Variants in CFAP46 observed in about 807,000 individuals in gnomAD.
CFAP46 encodes cilia and flagella associated protein 46.
A neutral mutation model predicts 325.7 loss-of-function variants in CFAP46; 245 were observed. The observed-to-expected ratio is 0.75, with a 90% confidence interval of 0.68 to 0.84. The LOEUF (loss-of-function observed/expected upper bound fraction) is 0.84, where lower values mean the gene tolerates loss of function less well. CFAP46 is among the 40% of genes least tolerant of loss of function. CFAP46 has a pLI of 0.00. For synonymous variants in CFAP46, 1,523 were observed against 1,495.9 expected (o/e 1.02, Z -0.42); for missense variants, 3,346 against 3,543.0 (o/e 0.94, Z 1.41).
intron 35 of CFAP46, among the ~76,000 whole-genome samples, chr10:132,865,803 G>A (rs1055252959): frequency 8.5e-5 from 13 of 152,252 alleles, no homozygotes; most frequent in Non-Finnish European, 1.9e-4. Flanking sequence ...AGCAGGTACT[G>A]GAAATAGAAA....
rs1308091850 is a variant in CFAP46 at position 132,919,155 on chromosome 10, C to T, written c.1858+160G>A. ...GATGTGGCCGCCGCCCCATGATTGG[C>T]GGTCCTGATAATTAGTGGGAACTGC... On this transcript the variant is annotated intron_variant, in intron 15 of 57. Coordinates refer to ENST00000368586, the MANE Select transcript of CFAP46 (RefSeq NM_001200049.3). The surrounding 1 kb of genome is among the most constrained non-coding windows in gnomAD (Gnocchi z 9.7). Among the ~76,000 whole-genome samples the T allele has an allele frequency of 3.3e-5, 5 of 152,208 alleles. No individual in the cohort carries two copies. Among genetic ancestry groups the T allele is most frequent in the Admixed American group, 6.5e-5 (1 of 15,286 alleles).
intron 50 of CFAP46, among the ~76,000 whole-genome samples, chr10:132,816,388 G>C (rs1287058569): frequency 6.8e-6 from 1 of 146,334 alleles, no homozygotes; most frequent in Non-Finnish European, 1.5e-5. Context: ...CTGGAGTGCA[G>C]TGGCGCGATC....
At chr10:132,868,788 C>T (rs1160727493) in intron 33 of CFAP46, among the ~76,000 whole-genome samples, 1 of 152,222 alleles carries the variant, frequency 6.6e-6, no homozygotes, top group East Asian at 1.9e-4. Flanking sequence ...GAACCGTATA[C>T]AATCATAGCA....
chr10:132,877,881 C>T lies in CFAP46; in HGVS notation c.4212G>A (p.Gln1404=). 1.3e-6 allele frequency: 2 copies of T among 1,549,440 alleles called. No homozygotes were observed. The highest frequency in any genetic ancestry group is 1.7e-6 in the Non-Finnish European group (2 of 1,147,000). The change falls in exon 30 of 58, where the codon CAG becomes CAA. Residue 1404 remains glutamine, a splice_region_variant and synonymous_variant. Transcript: ENST00000368586. This position sits in a 1 kb window ranked among gnomAD's most constrained non-coding sequence, Gnocchi z 5.7. ...GKEEKVKEPK[Q]SQSPAPIKQL... is the part of the protein sequence containing the mutation. ...TGCACCGTGGCCACTTGGGCATCAC[C>T]TGCTTGGGCTCCTTGACTTTCTCCT...
rs565536761 is a variant in CFAP46 at position 132,871,281 on chromosome 10, G to A, written c.4511+1395C>T. ...ATACAAGGAGACGAATGCCTTCTCC[G>A]TGCCTGCTAACACCACTGCTAACAC... On this transcript the variant is annotated intron_variant, in intron 32 of 57. Transcript: ENST00000368586. Among the ~76,000 whole-genome samples, 288 of 152,328 alleles carry A rather than the reference G, an allele frequency of 1.9e-3. 1 individual carries two copies. Among genetic ancestry groups the A allele is most frequent in the African/African-American group, 6.5e-3 (270 of 41,572 alleles).
intron 37 of CFAP46, among the ~76,000 whole-genome samples, chr10:132,859,889 C>T (rs979537749): frequency 3.9e-5 from 6 of 152,178 alleles, no homozygotes; most frequent in African/African-American, 1.2e-4. Flanking sequence ...ACCCCATCTC[C>T]ACTAAAAATA....
At chr10:132,831,881 A>G (rs1025927108) in intron 50 of CFAP46, among the ~76,000 whole-genome samples, 2 of 151,996 alleles carry the variant, frequency 1.3e-5, no homozygotes, top group Non-Finnish European at 1.5e-5. Context: ...TATTTGCTAT[A>G]AACTCTGTGG....
chr10:132,860,838 T>A lies in CFAP46; in HGVS notation c.5035A>T (p.Thr1679Ser). 1 of 1,550,892 alleles carries A rather than the reference T, an allele frequency of 6.4e-7. No homozygotes were observed. Among genetic ancestry groups the A allele is most frequent in the African/African-American group, 1.4e-5 (1 of 73,068 alleles). The change falls in exon 36 of 58, where the codon ACT becomes TCT. Residue 1679 changes from threonine (T) to serine (S), a missense_variant. Thr to Ser is a moderately conservative substitution (Grantham distance 58). Transcript: ENST00000368586. ...GGSEEFWYNS[T>S]LTLAEALLSM... ...AAGAGCGCCTCTGCCAGGGTCAGAG[T>A]GGAATTGTACCAGAACTCCTCACTT... is the stretch of plus-strand genomic sequence containing the variant.
Position 132,923,103 on chromosome 10 carries a change from G to A in CFAP46, c.1257-395C>T, listed in dbSNP as rs112093874. ...GGCTAGGGTCTGGAGAGGAAGGGCC[G>A]TGCGGAGCAGCCCAACCAGCCCGTG... is the stretch of plus-strand genomic sequence containing the variant. On this transcript the variant is annotated intron_variant, in intron 11 of 57. Coordinates refer to ENST00000368586, the MANE Select transcript of CFAP46 (RefSeq NM_001200049.3). Among the ~76,000 whole-genome samples the A allele has an allele frequency of 5.2e-3, 788 of 152,302 alleles. 6 individuals carry two copies. Among genetic ancestry groups the A allele is most frequent in the African/African-American group, 0.016 (684 of 41,562 alleles).
At chr10:132,935,687 C>CG (rs1849988741) in intron 7 of CFAP46, among the ~76,000 whole-genome samples, 1 of 132,764 alleles carries the variant, frequency 7.5e-6, no homozygotes, top group East Asian at 2.3e-4. Flanking sequence ...TCACTCCCCT[C>CG]ACATCCAAAC....
intron 22 of CFAP46, among the ~76,000 whole-genome samples, chr10:132,904,368 G>A (rs775253997): frequency 6.7e-6 from 1 of 148,660 alleles, no homozygotes; most frequent in Non-Finnish European, 1.5e-5. Flanking sequence ...GTGGAAAGGC[G>A]CCAACACTGC....
At chr10:132,915,479 C>G (rs1369819618) in intron 17 of CFAP46, among the ~76,000 whole-genome samples, 1 of 152,266 alleles carries the variant, frequency 6.6e-6, no homozygotes, top group Non-Finnish European at 1.5e-5. Flanking sequence ...AGAGCTCGGC[C>G]GGGTGGCTCC....
At chr10:132,878,175 C>G in intron 29 of CFAP46, 88 bp from the exon 30 acceptor site, 1 of 1,271,020 alleles carries the variant, frequency 7.9e-7, no homozygotes. Context: ...GAGGGACGCT[C>G]AGACCCGCGG....
At position 132,851,254 on chromosome 10, in the gene CFAP46, C is replaced by T. The variant is rs201686022; in HGVS notation, c.5626G>A (p.Gly1876Ser). 6 of 1,613,928 alleles carry T rather than the reference C, an allele frequency of 3.7e-6. No individual in the cohort carries two copies. Among genetic ancestry groups the T allele is most frequent in the East Asian group, 2.2e-5 (1 of 44,894 alleles). The change falls in exon 40 of 58, where the codon GGC (glycine) becomes AGC (serine). Residue 1876 changes from glycine to serine, a missense_variant. Gly to Ser is a moderately conservative substitution (Grantham distance 56). Transcript: ENST00000368586. ...LMRKLARLKL[G>S]LVEMALDMLQ... ...ATGTCCAGAGCCATTTCCACGAGGC[C>T]GAGCTTGAGGCGCGCCAGCTTCCTC...
chr10:132,852,633 A>C (rs1410958414), intron 39 of CFAP46, among the ~76,000 whole-genome samples: 1 of 152,236 alleles, frequency 6.6e-6, no homozygotes, highest in African/African-American at 2.4e-5. Context: ...TTACTTAGAC[A>C]TTCTCAGATC....
intron 29 of CFAP46, among the ~76,000 whole-genome samples, chr10:132,878,551 C>T (rs1436487714): frequency 6.6e-6 from 1 of 152,220 alleles, no homozygotes; most frequent in Non-Finnish European, 1.5e-5. Flanking sequence ...GGGAGACTTG[C>T]CACTCCTTGG....
At position 132,835,214 on chromosome 10, in the gene CFAP46, G is replaced by A. The variant is rs115229257; in HGVS notation, c.6744+90C>T. 1.1e-3 allele frequency: 1,669 copies of A among 1,536,834 alleles called. 12 individuals carry two copies. In the African/African-American group the frequency reaches 0.015, roughly 13 times the overall value. On this transcript the variant is annotated intron_variant, in intron 47 of 57. Transcript: ENST00000368586. ...CTTCAGCAGCCTGGCCTAGCGCCCCGCCCCTCCCCCCACCTCGCCAGGGTC... is the reference window on the plus strand; with the variant it reads ...CTTCAGCAGCCTGGCCTAGCGCCCCACCCCTCCCCCCACCTCGCCAGGGTC...
rs1234091386 is a variant in CFAP46 at position 132,885,208 on chromosome 10, G to C, written c.3522C>G (p.Ala1174=). The C allele has an allele frequency of 1.9e-6, 3 of 1,550,326 alleles. No homozygotes were observed. The South Asian group carries it at 3.6e-5, about 18-fold the overall frequency. Residue 1174 remains alanine (A), a synonymous_variant, in exon 27 of 58, where the codon GCC becomes GCG. Coordinates refer to ENST00000368586, the MANE Select transcript of CFAP46 (RefSeq NM_001200049.3). The stretch of plus-strand genomic sequence containing the variant: ...TGCGCGCCAAGTAGTCCTCACTCTC[G>C]GCCTTGAATTTCTGTATTTCCATCG... The part of the protein sequence containing the change: ...NFSMEIQKFK[A]ESEDYLARMW...
rs540586440 is a variant in CFAP46, at chr10:132,897,607, G to A, written c.3219+1352C>T. ...GGAGGCTAAGCCCTGGGGCCAGGAAGCTGCATCTGGCCCACAGGATGGCCA... is the reference window on the plus strand; with the variant it reads ...GGAGGCTAAGCCCTGGGGCCAGGAAACTGCATCTGGCCCACAGGATGGCCA... On this transcript the variant is annotated intron_variant, in intron 24 of 57. Transcript: ENST00000368586. Among the ~76,000 whole-genome samples, 10 of 152,386 alleles carry A rather than the reference G, an allele frequency of 6.6e-5. No individual in the cohort carries two copies. In the East Asian group the frequency reaches 1.7e-3, roughly 26 times the overall value.
Sources: gnomAD v4.1 joint callset for allele counts (sites outside exome capture counted in the v4.1 genomes callset) on GRCh38, gnomAD v4.1.1 for gene constraint, Gnocchi (gnomAD v3.1) non-coding constraint, MANE v1.5 for transcripts, NCBI Gene and HGNC (gene_info 2026-07-23, HGNC 2026-07-21) for gene names.